Variants in DDX42 observed in about 807,000 individuals in gnomAD.
DDX42 encodes the protein DEAD-box helicase 42, also known as ATP-dependent RNA helicase DDX42.
DDX42 carries 22 observed loss-of-function variants against 101.5 expected under a neutral mutation model. The ratio of observed to expected loss-of-function variants is 0.22; its 90% CI spans 0.15 to 0.31. The LOEUF is 0.31. DDX42 is among the 10% of genes least tolerant of loss of function. DDX42 has a pLI of 1.00. For missense variants in DDX42, 849 were observed against 1,199.9 expected (o/e 0.71, Z 4.32); for synonymous variants, 402 against 401.2 (o/e 1.00, Z -0.02).
rs538515067 is a variant in DDX42, at chr17:63,789,571, G to GT, written c.221+2320dup. The stretch of plus-strand genomic sequence containing the variant: ...CTTTTTTGTTTTTGTTTTTGTTTTT[G>GT]TTTTTTTTTTTTTTTTTTTGAGACA... On this transcript the variant is annotated intron_variant, in intron 2 of 17. Coordinates refer to ENST00000389924, the MANE Select transcript of DDX42 (RefSeq NM_203499.3). 6.1e-3 allele frequency among the ~76,000 whole-genome samples: 277 copies of GT among 45,700 alleles called. 2 individuals are homozygous for GT. Among genetic ancestry groups the GT allele is most frequent in the Middle Eastern group, 0.013 (1 of 76 alleles). The allele number at this position is 45,700 out of a possible 152,430, so 30.0% of individuals were successfully genotyped here.
chr17:63,785,602 TAA>T (rs35420075), intron 1 of DDX42, among the ~76,000 whole-genome samples: 240 of 140,094 alleles, frequency 1.7e-3, no homozygotes, highest in Admixed American at 1.7e-3. Flanking sequence ...CCCTGTTCCT[TAA>T]AAAAAAAAAA....
At chr17:63,802,956 G>T (rs566070878) in intron 6 of DDX42, among the ~76,000 whole-genome samples, 1 of 151,860 alleles carries the variant, frequency 6.6e-6, no homozygotes, top group Non-Finnish European at 1.5e-5. Context: ...TTAGAATTTG[G>T]AAAACTTACA....
chr17:63,796,205 C>T (rs902851919), intron 3 of DDX42, among the ~76,000 whole-genome samples: 5 of 152,154 alleles, frequency 3.3e-5, no homozygotes, highest in African/African-American at 9.7e-5. Flanking sequence ...GAAAAATTAG[C>T]TCTGATTTTC....
rs2039558476 is a variant in DDX42, at chr17:63,787,250, C to A, written c.201C>A (p.Ala67=). 6.2e-7 allele frequency: 1 copy of A among 1,613,996 alleles called. No homozygotes were observed. The highest frequency in any genetic ancestry group is 1.7e-5 in the Admixed American group (1 of 59,974). Residue 67 remains alanine, a synonymous_variant, in exon 2 of 18, where the codon GCC becomes GCA. Transcript: ENST00000389924. ...PSFYKIGSKR[A]NFDEENAYFE... is the part of the protein sequence containing the mutation. ...TCTACAAAATTGGATCTAAGCGGGC[C>A]AACTTTGATGAAGAAAATGCGTAAG... is the stretch of plus-strand genomic sequence containing the variant.
At chr17:63,797,124 G>A (rs1307026627) in intron 3 of DDX42, among the ~76,000 whole-genome samples, 3 of 152,084 alleles carry the variant, frequency 2.0e-5, no homozygotes, top group South Asian at 2.1e-4. Context: ...GGCCGGGCGC[G>A]GTGGATCACC....
intron 7 of DDX42, 105 bp downstream of exon 7, chr17:63,805,280 C>G (rs2039825078): frequency 2.2e-6 from 3 of 1,366,266 alleles, no homozygotes; most frequent in Non-Finnish European, 3.0e-6. Flanking sequence ...TTCTAATGGT[C>G]TCTGAACTGT....
At chr17:63,782,679 C>T (rs2039502892) in intron 1 of DDX42, among the ~76,000 whole-genome samples, 1 of 152,132 alleles carries the variant, frequency 6.6e-6, no homozygotes, top group African/African-American at 2.4e-5. Context: ...TTCTCCTTTC[C>T]CACAGGTGCT....
Position 63,811,120 on chromosome 17 carries a change from G to T in DDX42, c.1345G>T (p.Ala449Ser), listed in dbSNP as rs754171298. The change falls in exon 13 of 18, where the codon GCC (alanine) becomes TCC (serine). Residue 449 changes from alanine to serine, a missense_variant. Coordinates refer to ENST00000389924, the MANE Select transcript of DDX42 (RefSeq NM_203499.3). ...ATFRKKIEKL[A>S]RDILIDPIRV... is the part of the protein sequence containing the mutation. ...TTTTCGGAAGAAGATTGAAAAGTTGGCCAGAGACATCCTGATCGACCCTAT... is the reference window on the plus strand; with the variant it reads ...TTTTCGGAAGAAGATTGAAAAGTTGTCCAGAGACATCCTGATCGACCCTAT... 1 of 1,614,072 alleles carries T rather than the reference G, an allele frequency of 6.2e-7. No homozygotes were observed. Among genetic ancestry groups the T allele is most frequent in the East Asian group, 2.2e-5 (1 of 44,872 alleles).
At chr17:63,797,788 A>G (rs2039711850) in intron 3 of DDX42, among the ~76,000 whole-genome samples, 1 of 152,246 alleles carries the variant, frequency 6.6e-6, no homozygotes, top group Non-Finnish European at 1.5e-5. Flanking sequence ...TTGTGAAGCA[A>G]GCATTTTTGT....
chr17:63,780,893 G>T (rs1015030595), intron 1 of DDX42, among the ~76,000 whole-genome samples: 7 of 152,120 alleles, frequency 4.6e-5, no homozygotes, highest in African/African-American at 1.7e-4. Context: ...TAAAAGTTTT[G>T]ATTGTGTCTG....
At chr17:63,806,740 A>G (rs2039845577) in intron 8 of DDX42, 86 bp downstream of exon 8, 2 of 1,428,300 alleles carry the variant, frequency 1.4e-6, no homozygotes, top group East Asian at 2.5e-5. Flanking sequence ...GCAGTAAAAC[A>G]GTGTTTAGTG....
intron 6 of DDX42, among the ~76,000 whole-genome samples, chr17:63,801,494 C>G (rs1419730604): frequency 6.6e-6 from 1 of 152,124 alleles, no homozygotes; most frequent in African/African-American, 2.4e-5. Flanking sequence ...GCTGGGACTA[C>G]AGGTGCACAC....
intron 15 of DDX42, among the ~76,000 whole-genome samples, chr17:63,814,895 G>A (rs2039958426): frequency 6.6e-6 from 1 of 152,004 alleles, no homozygotes; most frequent in Admixed American, 6.6e-5. Context: ...TCACCATGTT[G>A]GTCAGGCTGG....
Position 63,818,238 on chromosome 17 carries a change from G to A in DDX42, c.2657G>A (p.Arg886Lys). ...GANDGRNGES[R>K]KEAFNRESKM... ...AATGATGGTCGGAATGGGGAAAGCAGGAAAGAAGCTTTTAATCGTGAGAGC... is the reference window on the plus strand; with the variant it reads ...AATGATGGTCGGAATGGGGAAAGCAAGAAAGAAGCTTTTAATCGTGAGAGC... The change falls in exon 18 of 18, where the codon AGG (arginine) becomes AAG (lysine). Residue 886 changes from arginine to lysine, a missense_variant. This residue lies in a region of DDX42 where 300 missense variants were observed against 304.9 expected (regional missense o/e 0.98). Transcript: ENST00000389924. The A allele has an allele frequency of 6.2e-7, 1 of 1,614,128 alleles. No homozygotes were observed. Among genetic ancestry groups the A allele is most frequent in the Non-Finnish European group, 8.5e-7 (1 of 1,180,034 alleles).
intron 2 of DDX42, among the ~76,000 whole-genome samples, chr17:63,789,557 TTGTTTTTGTTTTTG>T (rs1430527607): frequency 1.0e-3 from 25 of 24,320 alleles, no homozygotes; most frequent in African/African-American, 8.6e-3. Context: ...TTTTTTGTTT[TTGTTTTTGTTTTTG>T]TTTTTTTTTT....
chr17:63,774,930 CAT>C (rs970417491), intron 1 of DDX42, among the ~76,000 whole-genome samples: 6 of 152,330 alleles, frequency 3.9e-5, no homozygotes, highest in East Asian at 1.9e-4. Context: ...GAATTGCAAA[CAT>C]ATGCATCAAA....
At chr17:63,805,296 C>T in intron 7 of DDX42, 121 bp downstream of exon 7, 4 of 1,237,692 alleles carry the variant, frequency 3.2e-6, no homozygotes, top group Non-Finnish European at 2.2e-6. Context: ...ACTGTCTTTG[C>T]CAGAGTAATT....
At chr17:63,785,808 T>TC (rs2039541552) in intron 1 of DDX42, among the ~76,000 whole-genome samples, 1 of 152,154 alleles carries the variant, frequency 6.6e-6, no homozygotes, top group South Asian at 2.1e-4. Flanking sequence ...AATACATGGT[T>TC]CATAGTACCT....
At chr17:63,778,192 C>T (rs951621227) in intron 1 of DDX42, among the ~76,000 whole-genome samples, 1 of 152,188 alleles carries the variant, frequency 6.6e-6, no homozygotes, top group Non-Finnish European at 1.5e-5. Context: ...TTGCTTTTCT[C>T]TTTTCACTGT....
Sources: gnomAD v4.1 joint callset for allele counts (sites outside exome capture counted in the v4.1 genomes callset) on GRCh38, gnomAD v4.1.1 for gene constraint, gnomAD v4.1.1 regional missense constraint, MANE v1.5 for transcripts, NCBI Gene and HGNC (gene_info 2026-07-23, HGNC 2026-07-21) for gene names.